Variants in KCNT2 observed in about 807,000 individuals in gnomAD.
KCNT2 encodes the protein potassium sodium-activated channel subfamily T member 2, also known as potassium channel subfamily T member 2.
In KCNT2, 67 loss-of-function variants were observed where a neutral mutation model predicts 153.8. The observed-to-expected ratio is 0.44, with a 90% CI of 0.36 to 0.53. KCNT2 has a LOEUF of 0.53. Among genes scored for constraint, KCNT2 ranks in the 20% least tolerant of loss-of-function variants. The pLI, the probability that KCNT2 is intolerant of heterozygous loss-of-function variation, is 0.00. For missense variants in KCNT2, 975 were observed against 1,354.8 expected, an observed-to-expected ratio of 0.72 and a Z score of 4.40; for synonymous variants, 500 against 458.8, an observed-to-expected ratio of 1.09 and a Z score of -1.15.
chr1:196,389,072 G>A (rs1366112001), intron 13 of KCNT2, among the ~76,000 whole-genome samples: 4 of 151,494 alleles, frequency 2.6e-5, no homozygotes, highest in South Asian at 4.2e-4. Flanking sequence ...TTTAAAATGC[G>A]GTTATTGCAT....
At chr1:196,432,200 G>C (rs1238924278) in intron 8 of KCNT2, among the ~76,000 whole-genome samples, 1 of 152,100 alleles carries the variant, frequency 6.6e-6, no homozygotes, top group African/African-American at 2.4e-5. Context: ...CAATTTTGCA[G>C]GTGCGCAAAG....
At chr1:196,328,021 A>G (rs1664058962) in intron 18 of KCNT2, among the ~76,000 whole-genome samples, 1 of 152,182 alleles carries the variant, frequency 6.6e-6, no homozygotes, top group Non-Finnish European at 1.5e-5. Context: ...GTAAACAGAA[A>G]TAATCATAAC....
At chr1:196,571,231 A>C (rs1660743216) in intron 1 of KCNT2, among the ~76,000 whole-genome samples, 1 of 152,130 alleles carries the variant, frequency 6.6e-6, no homozygotes, top group African/African-American at 2.4e-5. Context: ...ATAGAGGAAT[A>C]AGTTCAATTA....
rs114366246 is a variant in KCNT2 at position 196,599,632 on chromosome 1, C to T, written c.95+8583G>A. ...TTGGAAGAGAGGTACAGCTAAGACT[C>T]TAAAGAGGAAAGAGGTCAAAGAGTT... On this transcript the variant is annotated intron_variant, in intron 1 of 27. Coordinates refer to ENST00000294725, the MANE Select transcript of KCNT2 (RefSeq NM_198503.5). Among the ~76,000 whole-genome samples the T allele has an allele frequency of 8.9e-3, 1,355 of 152,246 alleles. 20 individuals are homozygous for T. The highest frequency in any genetic ancestry group is 0.031 in the African/African-American group (1,295 of 41,534).
At chr1:196,402,676 A>T (rs1671514849) in intron 12 of KCNT2, among the ~76,000 whole-genome samples, 1 of 151,558 alleles carries the variant, frequency 6.6e-6, no homozygotes, top group Non-Finnish European at 1.5e-5. Context: ...CATATTAATA[A>T]TGACATTAAA....
chr1:196,306,940 T>C (rs1368196817), intron 21 of KCNT2, among the ~76,000 whole-genome samples: 1 of 152,064 alleles, frequency 6.6e-6, no homozygotes, highest in African/African-American at 2.4e-5. Flanking sequence ...GACTAAACAA[T>C]CCTAGTTCTT....
intron 5 of KCNT2, among the ~76,000 whole-genome samples, chr1:196,473,584 A>G (rs978726117): frequency 1.3e-5 from 2 of 152,210 alleles, no homozygotes; most frequent in African/African-American, 4.8e-5. Flanking sequence ...CTAAAATTGT[A>G]CAGTGGGGCA....
At chr1:196,272,159 T>C (rs541171162) in intron 25 of KCNT2, among the ~76,000 whole-genome samples, 1 of 152,056 alleles carries the variant, frequency 6.6e-6, no homozygotes, top group East Asian at 1.9e-4. Flanking sequence ...CCAGTGCTAA[T>C]TGGTCAGGCA....
At chr1:196,258,540 T>C (rs1313035607) in intron 25 of KCNT2, 46 bp from the exon 26 acceptor site, 1 of 1,234,102 alleles carries the variant, frequency 8.1e-7, no homozygotes, top group East Asian at 2.3e-5. Flanking sequence ...TAGAAATAAA[T>C]ATGGCTTGAA....
intron 22 of KCNT2, among the ~76,000 whole-genome samples, chr1:196,287,790 G>A (rs901479875): frequency 6.6e-6 from 1 of 152,034 alleles, no homozygotes; most frequent in East Asian, 1.9e-4. Flanking sequence ...AGAACTAACA[G>A]TATCTTATCA....
chr1:196,534,936 A>G (rs187922252), intron 1 of KCNT2, among the ~76,000 whole-genome samples: 1 of 152,342 alleles, frequency 6.6e-6, no homozygotes, highest in African/African-American at 2.4e-5. Flanking sequence ...CACAGCCTGG[A>G]CTGCATAATA....
At chr1:196,291,199 C>T (rs560143521) in intron 22 of KCNT2, among the ~76,000 whole-genome samples, 1 of 151,880 alleles carries the variant, frequency 6.6e-6, no homozygotes, top group African/African-American at 2.4e-5. Flanking sequence ...CTCTGCAGGT[C>T]CTCCTCATCC....
intron 14 of KCNT2, among the ~76,000 whole-genome samples, chr1:196,369,307 AT>A (rs950265651): frequency 3.2e-4 from 48 of 151,786 alleles, no homozygotes; most frequent in Middle Eastern, 3.4e-3. Context: ...TAAAGAATAA[AT>A]TTTTTTTTAT....
chr1:196,349,447 A>G (rs2148203560), intron 14 of KCNT2, among the ~76,000 whole-genome samples: 1 of 152,230 alleles, frequency 6.6e-6, no homozygotes, highest in South Asian at 2.1e-4. Flanking sequence ...TCTAACTGCC[A>G]TCATTGTTTT....
At chr1:196,308,013 T>C (rs1024904587) in intron 21 of KCNT2, among the ~76,000 whole-genome samples, 1 of 151,894 alleles carries the variant, frequency 6.6e-6, no homozygotes, top group Non-Finnish European at 1.5e-5. Flanking sequence ...TCTGGGGAAA[T>C]AGAAACTAAA....
At chr1:196,454,236 T>A (rs1676462600) in intron 8 of KCNT2, among the ~76,000 whole-genome samples, 1 of 151,922 alleles carries the variant, frequency 6.6e-6, no homozygotes, top group Admixed American at 6.6e-5. Flanking sequence ...AAACTATTAT[T>A]TTAGGTACTG....
intron 8 of KCNT2, among the ~76,000 whole-genome samples, chr1:196,435,163 A>G (rs972232132): frequency 2.3e-5 from 3 of 132,518 alleles, no homozygotes; most frequent in East Asian, 4.5e-4. Context: ...ATATATATAT[A>G]TATATATATA....
intron 1 of KCNT2, among the ~76,000 whole-genome samples, chr1:196,558,440 G>T (rs562871284): frequency 6.6e-6 from 1 of 150,852 alleles, no homozygotes; most frequent in South Asian, 2.1e-4. Context: ...TTAATTTGGG[G>T]GGTGTTTTTT....
intron 12 of KCNT2, among the ~76,000 whole-genome samples, chr1:196,412,363 T>C (rs1412934053): frequency 1.3e-5 from 2 of 151,726 alleles, no homozygotes; most frequent in Non-Finnish European, 3.0e-5. Context: ...AGCTGGTATG[T>C]CCATGTTTGG....
Sources: gnomAD v4.1 joint callset for allele counts (sites outside exome capture counted in the v4.1 genomes callset) on GRCh38, gnomAD v4.1.1 for gene constraint, MANE v1.5 for transcripts, NCBI Gene and HGNC (gene_info 2026-07-23, HGNC 2026-07-21) for gene names.